ASTN1: variants seen among roughly 807,000 people sequenced by gnomAD.
ASTN1 encodes the protein astrotactin 1, also known as astrotactin-1.
In ASTN1, 41 loss-of-function variants were observed where a neutral mutation model predicts 140.7. The ratio of observed to expected loss-of-function variants is 0.29; its 90% CI spans 0.23 to 0.38. ASTN1 has a LOEUF of 0.38. Among genes scored for constraint, ASTN1 ranks in the 10% least tolerant of loss-of-function variants. ASTN1 has a pLI of 1.00. For missense variants in ASTN1, 1,479 were observed against 1,678.8 expected, an observed-to-expected ratio of 0.88 and a Z score of 2.08; for synonymous variants, 640 against 652.2, an observed-to-expected ratio of 0.98 and a Z score of 0.29.
At chr1:176,926,024 G>C (rs1461828523) in intron 16 of ASTN1, among the ~76,000 whole-genome samples, 2 of 151,972 alleles carry the variant, frequency 1.3e-5, no homozygotes, top group Non-Finnish European at 1.5e-5. Context: ...AGCCAGGATG[G>C]TCTCGATCTT....
intron 1 of ASTN1, among the ~76,000 whole-genome samples, chr1:177,069,799 T>C (rs1678546820): frequency 6.6e-6 from 1 of 152,044 alleles, no homozygotes; most frequent in South Asian, 2.1e-4. Context: ...TCTGGATCTT[T>C]TCAAACCTCT....
chr1:177,051,000 C>T (rs757524119), intron 2 of ASTN1, among the ~76,000 whole-genome samples: 1 of 152,182 alleles, frequency 6.6e-6, no homozygotes, highest in African/African-American at 2.4e-5. Flanking sequence ...CCTGTTTATA[C>T]TTTTCTTGTC....
intron 8 of ASTN1, among the ~76,000 whole-genome samples, chr1:176,982,297 AATGAGGGCT>A (rs1223422977): frequency 6.6e-6 from 1 of 152,204 alleles, no homozygotes; most frequent in African/African-American, 2.4e-5. Context: ...CCTGGGAAGT[AATGAGGGCT>A]ATGCAAACCG....
At chr1:177,056,234 C>T (rs1429878998) in intron 2 of ASTN1, among the ~76,000 whole-genome samples, 2 of 152,200 alleles carry the variant, frequency 1.3e-5, no homozygotes, top group Admixed American at 1.3e-4. Flanking sequence ...GGAACTTTCC[C>T]ACAGTGCCCA....
intron 1 of ASTN1, among the ~76,000 whole-genome samples, chr1:177,084,645 C>G (rs1356357877): frequency 2.6e-5 from 4 of 152,088 alleles, no homozygotes; most frequent in Non-Finnish European, 5.9e-5. Flanking sequence ...CCCCCTCCCT[C>G]ACTTGCTACC....
chr1:176,881,849 T>C (rs1668812825), intron 20 of ASTN1, among the ~76,000 whole-genome samples: 1 of 152,230 alleles, frequency 6.6e-6, no homozygotes, highest in South Asian at 2.1e-4. Flanking sequence ...CTCAAATTTC[T>C]AGTGCTTTTC....
chr1:176,979,137 G>C (rs1673494092), intron 8 of ASTN1, among the ~76,000 whole-genome samples: 1 of 152,130 alleles, frequency 6.6e-6, no homozygotes. Context: ...AGAAAGTAAG[G>C]GTTAAGCCCT....
rs1571598831 is a variant in ASTN1 at position 176,979,804 on chromosome 1, T to G, written c.1524-14567A>C. ...GTGATATTAGAAAAATTTCCATGAGTGTGCTGTTTGTATGTGTGTGTATGA... is the reference window on the plus strand; with the variant it reads ...GTGATATTAGAAAAATTTCCATGAGGGTGCTGTTTGTATGTGTGTGTATGA... On this transcript the variant is annotated intron_variant, in intron 8 of 22. Transcript: ENST00000361833. Among the ~76,000 whole-genome samples, 5 of 151,900 alleles carry G rather than the reference T, an allele frequency of 3.3e-5. No homozygotes were observed. The South Asian group carries it at 1.0e-3, about 32-fold the overall frequency.
intron 16 of ASTN1, among the ~76,000 whole-genome samples, chr1:176,911,186 G>A (rs1286007549): frequency 6.6e-6 from 1 of 152,158 alleles, no homozygotes; most frequent in Admixed American, 6.5e-5. Context: ...TGGTCCACCT[G>A]TAAAGGGCAC....
intron 16 of ASTN1, among the ~76,000 whole-genome samples, chr1:176,904,494 T>TGA (rs36077093): frequency 6.6e-6 from 1 of 151,950 alleles, no homozygotes; most frequent in Admixed American, 6.6e-5. Context: ...AGGACGACAC[T>TGA]GAGAGAGAGG....
chr1:177,149,952 C>G (rs922616558), intron 1 of ASTN1, among the ~76,000 whole-genome samples: 1 of 150,034 alleles, frequency 6.7e-6, no homozygotes, highest in African/African-American at 2.5e-5. Flanking sequence ...TCTGTAAAGA[C>G]AGGATTATGT....
chr1:177,134,488 A>G (rs1682087387), intron 1 of ASTN1, among the ~76,000 whole-genome samples: 1 of 152,096 alleles, frequency 6.6e-6, no homozygotes, highest in East Asian at 1.9e-4. Context: ...TCTGTTCCCC[A>G]CCAACCCACT....
intron 2 of ASTN1, among the ~76,000 whole-genome samples, chr1:177,034,194 G>C (rs1232623124): frequency 6.6e-6 from 1 of 150,998 alleles, no homozygotes; most frequent in Non-Finnish European, 1.5e-5. Flanking sequence ...TTCTTTCCCT[G>C]AAAATCTTCC....
chr1:176,883,463 G>C (rs1017285888), intron 19 of ASTN1, among the ~76,000 whole-genome samples: 1 of 152,132 alleles, frequency 6.6e-6, no homozygotes, highest in Non-Finnish European at 1.5e-5. Context: ...CAAAGTGCTG[G>C]GAATACAGGC....
At chr1:177,043,055 G>T (rs895069074) in intron 2 of ASTN1, among the ~76,000 whole-genome samples, 1 of 152,202 alleles carries the variant, frequency 6.6e-6, no homozygotes, top group African/African-American at 2.4e-5. Flanking sequence ...CACTTGTCAG[G>T]TTGTCATTTT....
intron 1 of ASTN1, among the ~76,000 whole-genome samples, chr1:177,098,149 G>A (rs1405944779): frequency 6.6e-6 from 1 of 152,188 alleles, no homozygotes; most frequent in African/African-American, 2.4e-5. Context: ...AGAAGTATGA[G>A]TAGCCTGGAC....
chr1:176,966,235 T>C (rs1672877793), intron 8 of ASTN1, among the ~76,000 whole-genome samples: 1 of 152,216 alleles, frequency 6.6e-6, no homozygotes, highest in African/African-American at 2.4e-5. Flanking sequence ...AATTATTATT[T>C]GGGACTAATT....
intron 8 of ASTN1, among the ~76,000 whole-genome samples, chr1:177,004,092 CA>C (rs1036220948): frequency 6.6e-6 from 1 of 152,048 alleles, no homozygotes; most frequent in Admixed American, 6.5e-5. Flanking sequence ...AAATTTCCTC[CA>C]AGAGTCCTAG....
At chr1:177,134,057 A>G (rs1285753357) in intron 1 of ASTN1, among the ~76,000 whole-genome samples, 3 of 152,226 alleles carry the variant, frequency 2.0e-5, no homozygotes, top group Admixed American at 6.5e-5. Context: ...AGCAGAAATG[A>G]GGGCACAGAT....
Sources: gnomAD v4.1 joint callset for allele counts (sites outside exome capture counted in the v4.1 genomes callset) on GRCh38, gnomAD v4.1.1 for gene constraint, MANE v1.5 for transcripts, NCBI Gene and HGNC (gene_info 2026-07-23, HGNC 2026-07-21) for gene names.